CNTNAP5: variants seen among roughly 807,000 people sequenced by gnomAD.
The protein encoded by CNTNAP5 is contactin associated protein family member 5.
Under a neutral mutation model 150.2 loss-of-function variants are expected in CNTNAP5, and 72 were observed. The ratio of observed to expected loss-of-function variants is 0.48; its 90% CI spans 0.40 to 0.58. The LOEUF (loss-of-function observed/expected upper bound fraction) is 0.58. Ranked by LOEUF, CNTNAP5 falls within the 20% of genes least tolerant of loss-of-function variation. The probability of loss-of-function intolerance (pLI) is 0.00; values close to 1 mark genes in which losing one functional copy is unlikely to be tolerated. For synonymous variants in CNTNAP5, 672 were observed against 619.8 expected (o/e 1.08, Z -1.25); for missense variants, 1,636 against 1,626.2 (o/e 1.01, Z -0.10).
At chr2:124,097,588 T>C (rs1682964385) in intron 1 of CNTNAP5, among the ~76,000 whole-genome samples, 1 of 152,148 alleles carries the variant, frequency 6.6e-6, no homozygotes, top group Admixed American at 6.5e-5. Flanking sequence ...TGCACCACCT[T>C]GCAGGAATGA....
intron 1 of CNTNAP5, among the ~76,000 whole-genome samples, chr2:124,048,528 T>C (rs1283661034): frequency 6.6e-6 from 1 of 152,094 alleles, no homozygotes; most frequent in Non-Finnish European, 1.5e-5. Flanking sequence ...GTTGGAGTGG[T>C]CCATTGGACA....
In CNTNAP5 at chr2:124,899,072, G is replaced by A. The variant is rs563875029; in HGVS notation, c.3437-3810G>A. ...ACACAAATGGTATATAAGGTGATCC[G>A]CCATGTCACGTTAAACATCTTGACT... On this transcript the variant is annotated intron_variant, in intron 21 of 23. Coordinates refer to ENST00000682447, the MANE Select transcript of CNTNAP5 (RefSeq NM_001367498.1). 3.3e-5 allele frequency among the ~76,000 whole-genome samples: 5 copies of A among 151,376 alleles called. No individual in the cohort carries two copies. The South Asian group carries it at 8.3e-4, about 25-fold the overall frequency.
chr2:124,208,364 G>A (rs1199553361), intron 1 of CNTNAP5, among the ~76,000 whole-genome samples: 1 of 152,170 alleles, frequency 6.6e-6, no homozygotes, highest in Non-Finnish European at 1.5e-5. Flanking sequence ...ATGAAAGGTG[G>A]TATTTCCAAA....
At chr2:124,356,344 A>G (rs1690004950) in intron 3 of CNTNAP5, among the ~76,000 whole-genome samples, 1 of 150,070 alleles carries the variant, frequency 6.7e-6, no homozygotes, top group Admixed American at 6.7e-5. Flanking sequence ...TTTAGGGTAC[A>G]TGTGCACATT....
intron 13 of CNTNAP5, among the ~76,000 whole-genome samples, chr2:124,713,005 C>A (rs1390557309): frequency 6.6e-6 from 1 of 152,116 alleles, no homozygotes; most frequent in African/African-American, 2.4e-5. Flanking sequence ...CTAATACCAT[C>A]ATCTTGGAGG....
At chr2:124,407,449 A>C (rs1691603020) in intron 3 of CNTNAP5, among the ~76,000 whole-genome samples, 2 of 152,188 alleles carry the variant, frequency 1.3e-5, no homozygotes, top group Non-Finnish European at 2.9e-5. Flanking sequence ...CAAATGTAAC[A>C]AATTAACAAT....
At chr2:124,129,265 G>A (rs1421403036) in intron 1 of CNTNAP5, among the ~76,000 whole-genome samples, 2 of 152,102 alleles carry the variant, frequency 1.3e-5, no homozygotes, top group African/African-American at 4.8e-5. Flanking sequence ...GTAGATGAAG[G>A]TGTAATTCTT....
At chr2:124,428,169 TCTC>T (rs1692285335) in intron 4 of CNTNAP5, among the ~76,000 whole-genome samples, 1 of 151,894 alleles carries the variant, frequency 6.6e-6, no homozygotes, top group South Asian at 2.1e-4. Flanking sequence ...CTCCTTCTAT[TCTC>T]CTATTCCCAC....
intron 1 of CNTNAP5, among the ~76,000 whole-genome samples, chr2:124,090,512 G>T (rs939240785): frequency 6.6e-6 from 1 of 152,038 alleles, no homozygotes; most frequent in Admixed American, 6.6e-5. Context: ...GATTCTAAAG[G>T]CTAAGGTAAC....
intron 6 of CNTNAP5, among the ~76,000 whole-genome samples, chr2:124,453,243 A>G (rs907023665): frequency 9.2e-5 from 14 of 152,198 alleles, no homozygotes; most frequent in Admixed American, 8.5e-4. Context: ...ATGCTCTCAA[A>G]ATTCTCAGCA....
At chr2:124,549,604 A>T (rs1695586301) in intron 10 of CNTNAP5, among the ~76,000 whole-genome samples, 1 of 152,194 alleles carries the variant, frequency 6.6e-6, no homozygotes, top group South Asian at 2.1e-4. Flanking sequence ...AATATTAAGA[A>T]AATCTTGATT....
intron 3 of CNTNAP5, among the ~76,000 whole-genome samples, chr2:124,353,368 A>T (rs1261443859): frequency 2.0e-5 from 3 of 151,552 alleles, no homozygotes; most frequent in Non-Finnish European, 4.4e-5. Flanking sequence ...AATGGCCCAA[A>T]ACTGGAGATT....
chr2:124,783,594 CAAAT>C (rs1264996578), intron 17 of CNTNAP5, among the ~76,000 whole-genome samples: 2 of 152,028 alleles, frequency 1.3e-5, no homozygotes, highest in African/African-American at 4.8e-5. Flanking sequence ...TTCTACCAAA[CAAAT>C]AAGGAAATTA....
intron 23 of CNTNAP5, 124 bp from the exon 24 acceptor site, chr2:124,913,968 T>G: frequency 1.6e-6 from 1 of 612,870 alleles, no homozygotes; most frequent in Non-Finnish European, 2.8e-6. Context: ...CAGAGTTGCG[T>G]TTGTGTGATT....
chr2:124,387,951 T>G (rs1180295321), intron 3 of CNTNAP5, among the ~76,000 whole-genome samples: 1 of 151,558 alleles, frequency 6.6e-6, no homozygotes, highest in African/African-American at 2.4e-5. Context: ...GAATCAGGAG[T>G]GAGGGAAAAT....
intron 1 of CNTNAP5, among the ~76,000 whole-genome samples, chr2:124,205,880 A>G (rs1227360839): frequency 6.6e-6 from 1 of 152,184 alleles, no homozygotes; most frequent in Non-Finnish European, 1.5e-5. Context: ...TATGTACATG[A>G]TAATTTTTTA....
At chr2:124,140,137 T>A (rs1289021893) in intron 1 of CNTNAP5, among the ~76,000 whole-genome samples, 1 of 151,258 alleles carries the variant, frequency 6.6e-6, no homozygotes, top group East Asian at 2.0e-4. Flanking sequence ...CAGAGGGTCC[T>A]ACACCCACGG....
chr2:124,888,119 A>C (rs962662165), intron 21 of CNTNAP5, among the ~76,000 whole-genome samples: 2 of 152,050 alleles, frequency 1.3e-5, no homozygotes, highest in Admixed American at 6.6e-5. Flanking sequence ...CTCCCTTTTA[A>C]TAGTCCTCAG....
At chr2:124,570,402 G>T (rs1186876904) in intron 11 of CNTNAP5, among the ~76,000 whole-genome samples, 4 of 152,130 alleles carry the variant, frequency 2.6e-5, no homozygotes, top group Non-Finnish European at 5.9e-5. Context: ...AAACAACAAA[G>T]TGGGGGCTAT....
Sources: gnomAD v4.1 joint callset for allele counts (sites outside exome capture counted in the v4.1 genomes callset) on GRCh38, gnomAD v4.1.1 for gene constraint, MANE v1.5 for transcripts, NCBI Gene and HGNC (gene_info 2026-07-23, HGNC 2026-07-21) for gene names.